Variants in SINHCAF observed in about 807,000 individuals in gnomAD.
SINHCAF encodes the protein SIN3-HDAC complex-associated factor.
In SINHCAF, 3 loss-of-function variants were observed where a neutral mutation model predicts 25.8. That is an observed-to-expected ratio of 0.12 (90% CI 0.05 to 0.30). The LOEUF (loss-of-function observed/expected upper bound fraction) is 0.30, where lower values mean the gene tolerates loss of function less well. Ranked by LOEUF, SINHCAF falls within the 10% of genes least tolerant of loss-of-function variation. SINHCAF has a pLI of 1.00. For synonymous variants in SINHCAF, 70 were observed against 85.5 expected, an observed-to-expected ratio of 0.82 and a Z score of 1.00; for missense variants, 121 against 262.3, an observed-to-expected ratio of 0.46 and a Z score of 3.72.
intron 5 of SINHCAF, among the ~76,000 whole-genome samples, chr12:31,285,418 T>TACACACGCACACACACAC: frequency 7.1e-6 from 1 of 141,444 alleles, no homozygotes; most frequent in South Asian, 2.3e-4. Context: ...TATATATACA[T>TACACACGCACACACACAC]ACACACACAC....
At position 31,319,697 on chromosome 12, in the gene SINHCAF, C is replaced by T. The variant is rs189030553; in HGVS notation, c.-21+6327G>A. ...CTCTTACATTTCAGGTATCATTTTG[C>T]TTTCTGTCTTTGGGCAATCCACTCG... On this transcript the variant is annotated intron_variant, in intron 1 of 5. Transcript: ENST00000337682. 2.2e-3 allele frequency among the ~76,000 whole-genome samples: 339 copies of T among 152,246 alleles called. 2 individuals carry two copies. The highest frequency in any genetic ancestry group is 8.7e-3 in the South Asian group (42 of 4,822).
At chr12:31,298,873 T>C (rs1357393514) in intron 1 of SINHCAF, among the ~76,000 whole-genome samples, 1 of 152,148 alleles carries the variant, frequency 6.6e-6, no homozygotes, top group Non-Finnish European at 1.5e-5. Context: ...TTCCTTATTA[T>C]CATTAAGACA....
At chr12:31,313,562 T>G (rs1939367895) in intron 1 of SINHCAF, among the ~76,000 whole-genome samples, 1 of 152,274 alleles carries the variant, frequency 6.6e-6, no homozygotes, top group Non-Finnish European at 1.5e-5. Flanking sequence ...AAGTTGTTAA[T>G]TTCCACAAAC....
intron 1 of SINHCAF, 69 bp from the exon 2 acceptor site, chr12:31,298,293 CTG>C (rs766384900): frequency 1.3e-5 from 20 of 1,575,756 alleles, no homozygotes; most frequent in Admixed American, 5.0e-5. Flanking sequence ...AGAGTTCTCT[CTG>C]CTCCACCCCA....
In SINHCAF at chr12:31,325,054, G is replaced by C. The variant is rs1320636067; in HGVS notation, c.-21+970C>G. On this transcript the variant is annotated intron_variant, in intron 1 of 5. Coordinates refer to ENST00000337682, the MANE Select transcript of SINHCAF (RefSeq NM_001135812.2). This position sits in a 1 kb window ranked among gnomAD's most constrained non-coding sequence, Gnocchi z 5.9. ...CCCGAAGCACGTGGTCTGTCACGTAGAGCACAAAAAGCAGTGCCCTGCGGA... is the reference window on the plus strand; with the variant it reads ...CCCGAAGCACGTGGTCTGTCACGTACAGCACAAAAAGCAGTGCCCTGCGGA... 1 of 456,692 alleles carries C rather than the reference G, an allele frequency of 2.2e-6. No homozygotes were observed. Among genetic ancestry groups the C allele is most frequent in the East Asian group, 6.9e-5 (1 of 14,404 alleles). 28.3% of individuals were successfully genotyped at this position (456,692 alleles called of 1,614,324 possible). A position where few individuals can be genotyped will look rare whatever the true frequency, so the allele number is the denominator to read the frequency against.
chr12:31,285,418 T>TATAC (rs1555110957), intron 5 of SINHCAF, among the ~76,000 whole-genome samples: 2,798 of 141,426 alleles, frequency 0.02, 89 homozygotes, highest in East Asian at 0.13. Context: ...TATATATACA[T>TATAC]ACACACACAC....
intron 1 of SINHCAF, chr12:31,323,976 C>T (rs1252375711): frequency 2.2e-6 from 1 of 455,980 alleles, no homozygotes; most frequent in Non-Finnish European, 4.4e-6. Context: ...CTCGGGCACT[C>T]CGGTGACTGC....
At chr12:31,296,979 G>C (rs750157506) in intron 2 of SINHCAF, 1 of 438,528 alleles carries the variant, frequency 2.3e-6, no homozygotes, top group Non-Finnish European at 4.6e-6. Context: ...AGGCTGTGGT[G>C]CACAATGATC....
At chr12:31,323,893 T>C (rs1024220145) in intron 1 of SINHCAF, 5 of 451,518 alleles carry the variant, frequency 1.1e-5, no homozygotes, top group African/African-American at 8.0e-5. Context: ...CCCGTTTCTC[T>C]GAAAGCAGTA....
Position 31,298,093 on chromosome 12 carries a change from A to G in SINHCAF, c.112T>C (p.Phe38Leu), listed in dbSNP as rs561301974. The G allele has an allele frequency of 1.2e-6, 2 of 1,613,996 alleles. No individual in the cohort carries two copies. The highest frequency in any genetic ancestry group is 1.7e-5 in the Admixed American group (1 of 60,024). The change falls in exon 2 of 6, where the codon TTC becomes CTC. Residue 38 changes from phenylalanine (F) to leucine (L), a missense_variant. Coordinates refer to ENST00000337682, the MANE Select transcript of SINHCAF (RefSeq NM_001135812.2). ...FTDSKRYEKD[F>L]QSCFGLHETR... is the part of the protein sequence containing the mutation. ...TGATCTTACCCAAAACAGCTCTGGA[A>G]GTCCTTTTCATAGCGTTTACTGTCA...
chr12:31,316,111 A>C (rs1339680289), intron 1 of SINHCAF, among the ~76,000 whole-genome samples: 2 of 152,174 alleles, frequency 1.3e-5, no homozygotes, highest in African/African-American at 4.8e-5. Context: ...CAGAGTATGC[A>C]GTGAGCCGAG....
chr12:31,307,802 G>A (rs1163377378), intron 1 of SINHCAF, among the ~76,000 whole-genome samples: 1 of 152,068 alleles, frequency 6.6e-6, no homozygotes, highest in African/African-American at 2.4e-5. Flanking sequence ...CATACAAGGG[G>A]GCCATCCTCG....
intron 4 of SINHCAF, among the ~76,000 whole-genome samples, chr12:31,291,785 A>G (rs1938336344): frequency 6.6e-6 from 1 of 151,250 alleles, no homozygotes; most frequent in African/African-American, 2.4e-5. Flanking sequence ...GAAAAAAAAA[A>G]AAAGAAAGAA....
Position 31,295,301 on chromosome 12 carries a change from T to C in SINHCAF, c.161A>G (p.Asn54Ser). Reference sequence around the variant, plus strand: ...TCTTTTCACAAGCAGGACACAGGCATTGCAGATGTCTCCTGAACGAGTCTC... The same window carrying C: ...TCTTTTCACAAGCAGGACACAGGCACTGCAGATGTCTCCTGAACGAGTCTC... ...LHETRSGDIC[N>S]ACVLLVKRWK... The change falls in exon 3 of 6, where the codon AAT (asparagine) becomes AGT (serine). Residue 54 changes from asparagine (N) to serine (S), a missense_variant. Coordinates refer to ENST00000337682, the MANE Select transcript of SINHCAF (RefSeq NM_001135812.2). 3 of 1,611,198 alleles carry C rather than the reference T, an allele frequency of 1.9e-6. No homozygotes were observed. The highest frequency in any genetic ancestry group is 1.7e-6 in the Non-Finnish European group (2 of 1,178,880).
intron 4 of SINHCAF, 48 bp from the exon 5 acceptor site, chr12:31,287,832 T>A: frequency 1.4e-6 from 2 of 1,429,912 alleles, no homozygotes; most frequent in Non-Finnish European, 1.9e-6. Flanking sequence ...TTTCATTACA[T>A]GTAATTGCAA....
chr12:31,321,433 T>G (rs1939689328), intron 1 of SINHCAF, among the ~76,000 whole-genome samples: 1 of 152,156 alleles, frequency 6.6e-6, no homozygotes, highest in African/African-American at 2.4e-5. Flanking sequence ...CACTAAAAAT[T>G]TACTTAATGT....
In SINHCAF at chr12:31,315,253, TAGAAG is replaced by T. The variant is rs201955667; in HGVS notation, c.-21+10766_-21+10770del. 4.1e-3 allele frequency among the ~76,000 whole-genome samples: 631 copies of T among 152,314 alleles called. 10 individuals carry two copies. Among genetic ancestry groups the T allele is most frequent in the African/African-American group, 0.013 (544 of 41,580 alleles). On this transcript the variant is annotated intron_variant, in intron 1 of 5. Coordinates refer to ENST00000337682, the MANE Select transcript of SINHCAF (RefSeq NM_001135812.2). Reference sequence around the variant, plus strand: ...TCAAGTAAATATGTGGTTGAGTGGGTAGAAGAGAAAAGTTAATAATTGTGTAGGCA... The same window carrying T: ...TCAAGTAAATATGTGGTTGAGTGGGTAGAAAAGTTAATAATTGTGTAGGCA...
intron 1 of SINHCAF, among the ~76,000 whole-genome samples, chr12:31,316,192 A>C (rs895996780): frequency 2.6e-5 from 4 of 152,126 alleles, no homozygotes; most frequent in Admixed American, 2.6e-4. Context: ...ATAAAAAAAA[A>C]ACCATGCCAT....
chr12:31,281,302 G>T lies in SINHCAF; in HGVS notation c.*1410C>A, dbSNP rs1373909467. On this transcript the variant is annotated 3_prime_UTR_variant, in exon 6 of 6. Coordinates refer to ENST00000337682, the MANE Select transcript of SINHCAF (RefSeq NM_001135812.2). ...AGCTCTAAGTTCAGGATATCTCAAT[G>T]TTCAGAAAGCCTGACTAAAAGAAGC... is the stretch of plus-strand genomic sequence containing the variant. 6.6e-6 allele frequency: 1 copy of T among 152,158 alleles called. No homozygotes were observed. Among genetic ancestry groups the T allele is most frequent in the East Asian group, 1.9e-4 (1 of 5,200 alleles). The allele number at this position is 152,158 out of a possible 1,614,324, so 9.4% of individuals were successfully genotyped here.
Sources: gnomAD v4.1 joint callset for allele counts (sites outside exome capture counted in the v4.1 genomes callset) on GRCh38, gnomAD v4.1.1 for gene constraint, Gnocchi (gnomAD v3.1) non-coding constraint, MANE v1.5 for transcripts, NCBI Gene and HGNC (gene_info 2026-07-23, HGNC 2026-07-21) for gene names.